The following NBEA variants were observed in gnomAD, a reference collection of about 807,000 sequenced individuals.
The protein encoded by NBEA is neurobeachin, also known as lysosomal-trafficking regulator 2.
A neutral mutation model predicts 343.4 loss-of-function variants in NBEA; 44 were observed. The ratio of observed to expected loss-of-function variants is 0.13; its 90% CI spans 0.10 to 0.16. The LOEUF (loss-of-function observed/expected upper bound fraction) is 0.16. Among genes scored for constraint, NBEA ranks in the 10% least tolerant of loss-of-function variants. The pLI, the probability that NBEA is intolerant of heterozygous loss-of-function variation, is 1.00. For missense variants in NBEA, 2,555 were observed against 3,631.3 expected (o/e 0.70, Z 7.62); for synonymous variants, 1,175 against 1,238.7 (o/e 0.95, Z 1.08).
At chr13:35,308,446 A>ATATATATATATATATATATATG (rs2037055502) in intron 35 of NBEA, among the ~76,000 whole-genome samples, 4 of 91,872 alleles carry the variant, frequency 4.4e-5, no homozygotes, top group East Asian at 2.7e-4. Context: ...TACTATATAT[A>ATATATATATATATATATATATG]TATATATATA....
intron 46 of NBEA, among the ~76,000 whole-genome samples, chr13:35,584,539 G>C (rs1269289843): frequency 6.8e-6 from 1 of 146,678 alleles, no homozygotes; most frequent in East Asian, 2.0e-4. Flanking sequence ...TCGCTCTGTT[G>C]CCCAGGCTGG....
At chr13:35,551,940 A>G (rs918955838) in intron 43 of NBEA, among the ~76,000 whole-genome samples, 11 of 152,214 alleles carry the variant, frequency 7.2e-5, no homozygotes, top group Non-Finnish European at 1.5e-4. Flanking sequence ...TCCCATTCCT[A>G]AAACAATCAC....
chr13:35,461,371 A>C (rs1594715647), intron 40 of NBEA, among the ~76,000 whole-genome samples: 1 of 152,032 alleles, frequency 6.6e-6, no homozygotes, highest in African/African-American at 2.4e-5. Flanking sequence ...CTGTATGGAG[A>C]ATTTATCATA....
intron 51 of NBEA, among the ~76,000 whole-genome samples, chr13:35,647,812 G>A (rs372590996): frequency 3.1e-4 from 47 of 152,178 alleles, no homozygotes; most frequent in East Asian, 1.5e-3. Context: ...TGATCTGCCT[G>A]CCTCAGCCTC....
At chr13:35,456,991 T>G (rs1170890953) in intron 40 of NBEA, among the ~76,000 whole-genome samples, 17 of 148,988 alleles carry the variant, frequency 1.1e-4, no homozygotes. Flanking sequence ...AGTTTATATA[T>G]ATATAGATAT....
intron 31 of NBEA, among the ~76,000 whole-genome samples, chr13:35,202,808 A>C (rs894702670): frequency 6.6e-6 from 1 of 152,162 alleles, no homozygotes; most frequent in African/African-American, 2.4e-5. Context: ...GGTATAAAAA[A>C]TTAGTATAAG....
intron 36 of NBEA, among the ~76,000 whole-genome samples, chr13:35,333,337 G>A (rs1249244240): frequency 6.6e-6 from 1 of 152,086 alleles, no homozygotes; most frequent in Non-Finnish European, 1.5e-5. Context: ...GAAAAAAGAT[G>A]TTTATTGATG....
chr13:35,485,752 C>T (rs1241948723), intron 41 of NBEA, among the ~76,000 whole-genome samples: 1 of 151,996 alleles, frequency 6.6e-6, no homozygotes, highest in African/African-American at 2.4e-5. Context: ...AGTAACTTAA[C>T]CTTTAAAACT....
chr13:35,114,747 T>A (rs760968496), intron 13 of NBEA, among the ~76,000 whole-genome samples: 2 of 152,208 alleles, frequency 1.3e-5, no homozygotes, highest in Non-Finnish European at 2.9e-5. Context: ...GAAAGTGGAA[T>A]CAGCATTTAT....
At chr13:35,517,232 C>T (rs887220484) in intron 41 of NBEA, among the ~76,000 whole-genome samples, 1 of 152,140 alleles carries the variant, frequency 6.6e-6, no homozygotes, top group African/African-American at 2.4e-5. Flanking sequence ...GCCTCGCCCT[C>T]AATATTCTCC....
intron 6 of NBEA, among the ~76,000 whole-genome samples, chr13:35,054,871 T>TGAC (rs2063195885): frequency 6.6e-6 from 1 of 152,044 alleles, no homozygotes; most frequent in Non-Finnish European, 1.5e-5. Context: ...CTCGAACTTC[T>TGAC]GACGTCAGTT....
At chr13:35,338,406 T>G (rs2039393826) in intron 36 of NBEA, among the ~76,000 whole-genome samples, 1 of 152,006 alleles carries the variant, frequency 6.6e-6, no homozygotes. Flanking sequence ...TAAAACTGAC[T>G]GAATATGAAA....
At chr13:35,012,420 G>C (rs529142316) in intron 1 of NBEA, among the ~76,000 whole-genome samples, 1 of 152,194 alleles carries the variant, frequency 6.6e-6, no homozygotes, top group Non-Finnish European at 1.5e-5. Context: ...CAACAATGTT[G>C]TATTGGGGAT....
At chr13:35,556,048 A>G (rs2079557588) in intron 44 of NBEA, among the ~76,000 whole-genome samples, 1 of 152,024 alleles carries the variant, frequency 6.6e-6, no homozygotes, top group Non-Finnish European at 1.5e-5. Context: ...CACAAAAGGG[A>G]ATAAAGCTAT....
At chr13:35,380,425 A>G (rs2041957353) in intron 38 of NBEA, among the ~76,000 whole-genome samples, 1 of 152,034 alleles carries the variant, frequency 6.6e-6, no homozygotes, top group Non-Finnish European at 1.5e-5. Context: ...AGCCTGGGCA[A>G]GACAGAGTGA....
At chr13:35,444,202 T>C (rs770066337) in intron 39 of NBEA, among the ~76,000 whole-genome samples, 14 of 151,954 alleles carry the variant, frequency 9.2e-5, no homozygotes, top group Non-Finnish European at 1.5e-4. Context: ...CAGTAATAGA[T>C]TGATTCATAC....
At chr13:35,434,115 T>A (rs2045283627) in intron 39 of NBEA, among the ~76,000 whole-genome samples, 4 of 152,176 alleles carry the variant, frequency 2.6e-5, no homozygotes, top group Admixed American at 2.6e-4. Flanking sequence ...TTTGTATTTC[T>A]TCTTAAAAGT....
chr13:34,943,127 C>T lies in NBEA; in HGVS notation c.294+13C>T. On this transcript the variant is annotated intron_variant, in intron 1 of 58. Transcript: ENST00000379939. Reference sequence around the variant, plus strand: ...GGTGCTCAACCTGGTAAGGAAAAGGCGTGCTCTCAATCTGCTTCCCCAGTC... The same window carrying T: ...GGTGCTCAACCTGGTAAGGAAAAGGTGTGCTCTCAATCTGCTTCCCCAGTC... 2 of 1,612,430 alleles carry T rather than the reference C, an allele frequency of 1.2e-6. No individual in the cohort carries two copies. Among genetic ancestry groups the T allele is most frequent in the East Asian group, 2.2e-5 (1 of 44,730 alleles).
At chr13:35,155,593 C>T (rs960828049) in intron 18 of NBEA, among the ~76,000 whole-genome samples, 181 bp from the exon 19 acceptor site, 1 of 152,134 alleles carries the variant, frequency 6.6e-6, no homozygotes, top group Non-Finnish European at 1.5e-5. Flanking sequence ...TGCACTCCAA[C>T]CTGGGCAACA....
Sources: gnomAD v4.1 joint callset for allele counts (sites outside exome capture counted in the v4.1 genomes callset) on GRCh38, gnomAD v4.1.1 for gene constraint, MANE v1.5 for transcripts, NCBI Gene and HGNC (gene_info 2026-07-23, HGNC 2026-07-21) for gene names.